The following PPARD variants were observed in gnomAD, a reference collection of about 807,000 sequenced individuals.
The protein encoded by PPARD is peroxisome proliferator-activated receptor delta.
In PPARD, 6 loss-of-function variants were observed where a neutral mutation model predicts 39.5. The ratio of observed to expected loss-of-function variants is 0.15; its 90% CI spans 0.08 to 0.30. The LOEUF is 0.30. PPARD is among the 10% of genes least tolerant of loss of function. The probability of loss-of-function intolerance (pLI) is 1.00; values close to 1 mark genes in which losing one functional copy is unlikely to be tolerated. For synonymous variants in PPARD, 210 were observed against 231.3 expected (o/e 0.91, Z 0.83); for missense variants, 397 against 596.8 (o/e 0.67, Z 3.49).
At chr6:35,396,696 A>G (rs1308781493) in intron 2 of PPARD, among the ~76,000 whole-genome samples, 1 of 151,724 alleles carries the variant, frequency 6.6e-6, no homozygotes, top group Non-Finnish European at 1.5e-5. Flanking sequence ...TGGGCGTGGT[A>G]GCATGCGCCT....
chr6:35,393,891 G>A (rs1324555528), intron 2 of PPARD, among the ~76,000 whole-genome samples: 1 of 152,166 alleles, frequency 6.6e-6, no homozygotes, highest in South Asian at 2.1e-4. Context: ...CTGAGAACAA[G>A]ACTAAACATT....
intron 1 of PPARD, among the ~76,000 whole-genome samples, chr6:35,342,884 C>T (rs1791931778): frequency 6.6e-6 from 1 of 152,166 alleles, no homozygotes; most frequent in East Asian, 1.9e-4. Flanking sequence ...GCCATGTAGG[C>T]GCCCCGCTGA....
chr6:35,427,026 G>T lies in PPARD; in HGVS notation c.*947G>T, dbSNP rs1161660897. ...TGGAGGAAGCAGCACACCCAATTCT[G>T]CCCCTAGGACTCGGGGTCTGAGTCC... On this transcript the variant is annotated 3_prime_UTR_variant, in exon 8 of 8. Transcript: ENST00000360694. 1.3e-5 allele frequency: 2 copies of T among 152,336 alleles called. No homozygotes were observed. Among genetic ancestry groups the T allele is most frequent in the Non-Finnish European group, 2.9e-5 (2 of 68,160 alleles). 9.4% of individuals were successfully genotyped at this position (152,336 alleles called of 1,614,324 possible).
chr6:35,409,366 G>A (rs1765273264), intron 2 of PPARD, among the ~76,000 whole-genome samples: 1 of 152,068 alleles, frequency 6.6e-6, no homozygotes, highest in Non-Finnish European at 1.5e-5. Flanking sequence ...ATTAGCTGGT[G>A]TGGTAGTGCA....
chr6:35,396,770 C>T (rs1043491983), intron 2 of PPARD, among the ~76,000 whole-genome samples: 1 of 151,902 alleles, frequency 6.6e-6, no homozygotes, highest in African/African-American at 2.4e-5. Flanking sequence ...GCAGAGGTTG[C>T]AGTGAGCCGA....
intron 2 of PPARD, among the ~76,000 whole-genome samples, chr6:35,405,450 G>A (rs903413342): frequency 6.6e-6 from 1 of 151,984 alleles, no homozygotes; most frequent in South Asian, 2.1e-4. Context: ...TTGTCTGGGG[G>A]TCTGAAGCTC....
At chr6:35,376,834 C>T (rs936123601) in intron 2 of PPARD, among the ~76,000 whole-genome samples, 6 of 151,856 alleles carry the variant, frequency 4.0e-5, no homozygotes, top group African/African-American at 7.3e-5. Flanking sequence ...TCCTGGCTAA[C>T]GCGGTGAAAC....
intron 2 of PPARD, among the ~76,000 whole-genome samples, chr6:35,393,653 A>C (rs1369056054): frequency 6.6e-6 from 1 of 152,192 alleles, no homozygotes; most frequent in Non-Finnish European, 1.5e-5. Context: ...GAGAATTGGG[A>C]GGTGACAGCA....
At chr6:35,413,329 G>A (rs1765551690) in intron 3 of PPARD, among the ~76,000 whole-genome samples, 1 of 152,202 alleles carries the variant, frequency 6.6e-6, no homozygotes, top group Non-Finnish European at 1.5e-5. Context: ...AGGCGGTGGT[G>A]TTTAATAGAT....
chr6:35,343,977 C>G (rs911106112), intron 1 of PPARD, among the ~76,000 whole-genome samples: 1 of 143,448 alleles, frequency 7.0e-6, no homozygotes, highest in Non-Finnish European at 1.5e-5. Flanking sequence ...TGTACTGGCT[C>G]CAGAACTTTT....
intron 1 of PPARD, among the ~76,000 whole-genome samples, chr6:35,343,948 G>C (rs1372746811): frequency 6.6e-6 from 1 of 151,976 alleles, no homozygotes; most frequent in Non-Finnish European, 1.5e-5. Flanking sequence ...AATACTTGTG[G>C]TCCTCAACCT....
intron 2 of PPARD, among the ~76,000 whole-genome samples, chr6:35,373,972 C>T (rs1159128606): frequency 6.6e-6 from 1 of 152,144 alleles, no homozygotes; most frequent in African/African-American, 2.4e-5. Context: ...GCCTGGCCTA[C>T]TGTATGTTTC....
At chr6:35,375,961 A>C (rs1397125869) in intron 2 of PPARD, among the ~76,000 whole-genome samples, 1 of 152,236 alleles carries the variant, frequency 6.6e-6, no homozygotes, top group Non-Finnish European at 1.5e-5. Flanking sequence ...TATTCTCTTT[A>C]ATCTTATTCA....
At position 35,366,212 on chromosome 6, in the gene PPARD, G is replaced by A. The variant is rs1156377295; in HGVS notation, c.-102+19062G>A. On this transcript the variant is annotated intron_variant, in intron 2 of 7. Transcript: ENST00000360694. This position sits in a 1 kb window ranked among gnomAD's most constrained non-coding sequence, Gnocchi z 4.6. ...GGTTAGGAGAGATTTACACAAATAT[G>A]TGAATACCAGAAGGTGAGGATTGTT... Among the ~76,000 whole-genome samples the A allele has an allele frequency of 6.6e-6, 1 of 151,770 alleles. No individual in the cohort carries two copies.
intron 3 of PPARD, among the ~76,000 whole-genome samples, chr6:35,414,670 A>G (rs1225290490): frequency 1.3e-5 from 2 of 152,140 alleles, no homozygotes. Context: ...GGTGAGAGTC[A>G]GTGGGGGTAT....
intron 2 of PPARD, among the ~76,000 whole-genome samples, chr6:35,409,652 C>T (rs1765294185): frequency 6.6e-6 from 1 of 152,092 alleles, no homozygotes; most frequent in African/African-American, 2.4e-5. Flanking sequence ...ATTATTTCAT[C>T]ACCCAGGTAC....
Position 35,363,725 on chromosome 6 carries a change from G to A in PPARD, c.-102+16575G>A, listed in dbSNP as rs994958269. Reference sequence around the variant, plus strand: ...AGGGGACACAAAAATGGGGGAGACAGGCAGCCTTTTGGGGCTGGAGGGCAT... The same window carrying A: ...AGGGGACACAAAAATGGGGGAGACAAGCAGCCTTTTGGGGCTGGAGGGCAT... On this transcript the variant is annotated intron_variant, in intron 2 of 7. Coordinates refer to ENST00000360694, the MANE Select transcript of PPARD (RefSeq NM_006238.5). This position sits in a 1 kb window ranked among gnomAD's most constrained non-coding sequence, Gnocchi z 4.5. 2.0e-5 allele frequency among the ~76,000 whole-genome samples: 3 copies of A among 152,202 alleles called. No individual in the cohort carries two copies. Among genetic ancestry groups the A allele is most frequent in the Admixed American group, 2.0e-4 (3 of 15,280 alleles).
intron 2 of PPARD, among the ~76,000 whole-genome samples, chr6:35,407,497 A>G (rs1041462171): frequency 1.3e-5 from 2 of 151,528 alleles, no homozygotes; most frequent in African/African-American, 2.4e-5. Context: ...CAGGCTTTCA[A>G]TCTGGTGGAG....
At chr6:35,423,054 CAAAA>C (rs56317397) in intron 5 of PPARD, among the ~76,000 whole-genome samples, 30 of 71,714 alleles carry the variant, frequency 4.2e-4, no homozygotes, top group Non-Finnish European at 5.5e-4. Flanking sequence ...CTCATCTCTA[CAAAA>C]AAAAAAAAAA....
Sources: allele counts gnomAD v4.1 joint callset (sites outside exome capture counted in the v4.1 genomes callset), GRCh38; gene constraint gnomAD v4.1.1; non-coding constraint Gnocchi (gnomAD v3.1); transcripts MANE v1.5; gene names NCBI Gene and HGNC (gene_info 2026-07-23, HGNC 2026-07-21).